The following TMEM127 variants were observed in gnomAD, a reference collection of about 807,000 sequenced individuals.
The protein encoded by TMEM127 is transmembrane protein 127.
Under a neutral mutation model 20.1 loss-of-function variants are expected in TMEM127, and 21 were observed. The observed-to-expected ratio is 1.04, with a 90% CI of 0.74 to 1.50. The LOEUF (loss-of-function observed/expected upper bound fraction) is 1.50. TMEM127 is among the 40% of genes most tolerant of loss of function. TMEM127 has a pLI of 0.00. For synonymous variants in TMEM127, 150 were observed against 144.7 expected, an observed-to-expected ratio of 1.04 and a Z score of -0.26; for missense variants, 303 against 317.4, an observed-to-expected ratio of 0.95 and a Z score of 0.34.
chr2:96,261,383 C>G (rs913803815), intron 2 of TMEM127, among the ~76,000 whole-genome samples: 3 of 152,052 alleles, frequency 2.0e-5, no homozygotes, highest in Admixed American at 1.3e-4. Flanking sequence ...TCAAGTGATC[C>G]TGCTGGCCTC....
rs1437060422 is a variant in TMEM127 at position 96,250,495 on chromosome 2, TCCTG to T, written c.*3309_*3312del. 1.3e-5 allele frequency: 3 copies of T among 232,826 alleles called. No homozygotes were observed. Among genetic ancestry groups the T allele is most frequent in the African/African-American group, 6.6e-5 (3 of 45,322 alleles). 14.4% of individuals were successfully genotyped at this position (232,826 alleles called of 1,614,324 possible). A position where few individuals can be genotyped will look rare whatever the true frequency, so the allele number is the denominator to read the frequency against. ...GGACATAAAATCCTTGCAGACAGGG[TCCTG>T]TCCGTCACTGTATATTTCATGGTGC... On this transcript the variant is annotated 3_prime_UTR_variant, in exon 4 of 4. Transcript: ENST00000258439.
chr2:96,264,998 C>A (rs1382207495), intron 2 of TMEM127, 140 bp downstream of exon 2: 42 of 1,399,538 alleles, frequency 3.0e-5, no homozygotes, highest in Admixed American at 3.9e-5. Context: ...CCAAACAGAG[C>A]CACCTGGTGG....
intron 2 of TMEM127, among the ~76,000 whole-genome samples, chr2:96,261,941 T>C (rs895905059): frequency 6.6e-6 from 1 of 152,206 alleles, no homozygotes; most frequent in Non-Finnish European, 1.5e-5. Context: ...GGCAGAGACC[T>C]GGCAGGGTCT....
chr2:96,256,524 T>C (rs1340862232), intron 2 of TMEM127, among the ~76,000 whole-genome samples: 1 of 149,692 alleles, frequency 6.7e-6, no homozygotes, highest in Non-Finnish European at 1.5e-5. Context: ...TGAGCCGAGA[T>C]TGCGCCTTCA....
chr2:96,253,371 C>A lies in TMEM127; in HGVS notation c.*437G>T. The A allele has an allele frequency of 3.9e-6, 1 of 253,960 alleles. No individual in the cohort carries two copies. Among genetic ancestry groups the A allele is most frequent in the Non-Finnish European group, 7.7e-6 (1 of 129,982 alleles). The allele number at this position is 253,960 out of a possible 1,614,324, so 15.7% of individuals were successfully genotyped here. On this transcript the variant is annotated 3_prime_UTR_variant, in exon 4 of 4. Transcript: ENST00000258439. This position sits in a 1 kb window ranked among gnomAD's most constrained non-coding sequence, Gnocchi z 4.3. ...GGGTCTGGGGGGCGTCAGCCCAGAGCTACAGCTGTGGAGCAAACACTGATC... is the reference window on the plus strand; with the variant it reads ...GGGTCTGGGGGGCGTCAGCCCAGAGATACAGCTGTGGAGCAAACACTGATC...
At chr2:96,256,207 G>A (rs1021370871) in intron 2 of TMEM127, among the ~76,000 whole-genome samples, 1 of 150,914 alleles carries the variant, frequency 6.6e-6, no homozygotes, top group Admixed American at 6.6e-5. Flanking sequence ...GAAGGTGGAG[G>A]TTGCAGTGAG....
chr2:96,264,608 TA>T (rs759533592), intron 2 of TMEM127, among the ~76,000 whole-genome samples: 9 of 152,200 alleles, frequency 5.9e-5, no homozygotes, highest in African/African-American at 1.2e-4. Flanking sequence ...GGCACACCTA[TA>T]ATGGTTCCAA....
chr2:96,250,492 G>A lies in TMEM127; in HGVS notation c.*3316C>T, dbSNP rs1684063991. The A allele has an allele frequency of 8.6e-6, 2 of 232,842 alleles. No homozygotes were observed. Among genetic ancestry groups the A allele is most frequent in the Admixed American group, 5.6e-5 (1 of 17,772 alleles). 14.4% of individuals were successfully genotyped at this position (232,842 alleles called of 1,614,324 possible). On this transcript the variant is annotated 3_prime_UTR_variant, in exon 4 of 4. Transcript: ENST00000258439. ...TAAGGACATAAAATCCTTGCAGACA[G>A]GGTCCTGTCCGTCACTGTATATTTC...
chr2:96,259,296 G>A (rs935562760), intron 2 of TMEM127, among the ~76,000 whole-genome samples: 3 of 152,208 alleles, frequency 2.0e-5, no homozygotes, highest in African/African-American at 7.2e-5. Flanking sequence ...CTTCCTCCAG[G>A]CCACACGCTG....
At chr2:96,256,403 C>A (rs186726337) in intron 2 of TMEM127, among the ~76,000 whole-genome samples, 5 of 151,636 alleles carry the variant, frequency 3.3e-5, no homozygotes, top group African/African-American at 1.2e-4. Context: ...GAAACCCTGT[C>A]TCTACTAAAA....
At position 96,264,551 on chromosome 2, in the gene TMEM127, T is replaced by C. The variant is rs1684374267; in HGVS notation, c.244+587A>G. 2.0e-5 allele frequency among the ~76,000 whole-genome samples: 3 copies of C among 152,306 alleles called. No individual in the cohort carries two copies. In the South Asian group the frequency reaches 6.2e-4, roughly 32 times the overall value. On this transcript the variant is annotated intron_variant, in intron 2 of 3. Coordinates refer to ENST00000258439, the MANE Select transcript of TMEM127 (RefSeq NM_017849.4). ...GGACCCTCCCATCGTCTGCTGTCTA[T>C]CTGGCCGGAAAGCATGATGATGAAC...
chr2:96,254,839 G>A lies in TMEM127; in HGVS notation c.403C>T (p.Leu135=), dbSNP rs751854293. 6.2e-7 allele frequency: 1 copy of A among 1,614,128 alleles called. No individual in the cohort carries two copies. Among genetic ancestry groups the A allele is most frequent in the South Asian group, 1.1e-5 (1 of 91,070 alleles). Residue 135 remains leucine, a synonymous_variant, in exon 3 of 4, where the codon CTA becomes TTA. Coordinates refer to ENST00000258439, the MANE Select transcript of TMEM127 (RefSeq NM_017849.4). ...GAGCAGGCTCACGGCTTACCCGTTA[G>A]GATATGGGCGAAGGCATAGCGACGA... is the stretch of plus-strand genomic sequence containing the variant. The part of the protein sequence containing the change: ...ITRRYAFAHI[L]TVLQCATVIG...
In TMEM127 at chr2:96,253,860, G is replaced by T; in HGVS notation, c.665C>A (p.Ala222Glu). ...GAACTGGTTGATGACCTCATATTCCGCCGGGTAGGGCTCGTTCTCTTCCAT... is the reference window on the plus strand; with the variant it reads ...GAACTGGTTGATGACCTCATATTCCTCCGGGTAGGGCTCGTTCTCTTCCAT... Reference protein sequence around the residue: ...SEMEENEPYPAEYEVINQFQP... With the variant: ...SEMEENEPYPEEYEVINQFQP... The change falls in exon 4 of 4, where the codon GCG becomes GAG. Residue 222 changes from alanine to glutamate, a missense_variant. Coordinates refer to ENST00000258439, the MANE Select transcript of TMEM127 (RefSeq NM_017849.4). The surrounding 1 kb of genome is among the most constrained non-coding windows in gnomAD (Gnocchi z 4.3). 6.2e-7 allele frequency: 1 copy of T among 1,613,986 alleles called. No homozygotes were observed.
chr2:96,257,755 A>T (rs1485279946), intron 2 of TMEM127, among the ~76,000 whole-genome samples: 3 of 151,984 alleles, frequency 2.0e-5, no homozygotes, highest in African/African-American at 7.3e-5. Flanking sequence ...CTCTACTAAA[A>T]ATTTAAAAAA....
At chr2:96,259,550 G>A (rs1044533352) in intron 2 of TMEM127, among the ~76,000 whole-genome samples, 1 of 152,214 alleles carries the variant, frequency 6.6e-6, no homozygotes, top group Non-Finnish European at 1.5e-5. Flanking sequence ...AAAAAGGTTT[G>A]GGTCATTAAG....
chr2:96,250,795 CTA>C lies in TMEM127; in HGVS notation c.*3011_*3012del, dbSNP rs1684071682. Reference sequence around the variant, plus strand: ...ACAGGTCACACTCCCAGAACTGTCTCTATCCCCATGCCTCTCCTAGTAAGATT... The same window carrying C: ...ACAGGTCACACTCCCAGAACTGTCTCTCCCCATGCCTCTCCTAGTAAGATT... On this transcript the variant is annotated 3_prime_UTR_variant, in exon 4 of 4. Transcript: ENST00000258439. 4.3e-6 allele frequency: 1 copy of C among 232,626 alleles called. No homozygotes were observed. Among genetic ancestry groups the C allele is most frequent in the African/African-American group, 2.2e-5 (1 of 45,312 alleles). 14.4% of individuals were successfully genotyped at this position (232,626 alleles called of 1,614,324 possible).
At chr2:96,261,028 G>GTCAATTGTGAT (rs1280438725) in intron 2 of TMEM127, among the ~76,000 whole-genome samples, 1 of 152,220 alleles carries the variant, frequency 6.6e-6, no homozygotes, top group East Asian at 1.9e-4. Flanking sequence ...AGTGGCTGCT[G>GTCAATTGTGAT]TCAATTGTGA....
intron 2 of TMEM127, among the ~76,000 whole-genome samples, chr2:96,257,672 G>A (rs1413507802): frequency 1.3e-5 from 2 of 152,186 alleles, no homozygotes; most frequent in Non-Finnish European, 2.9e-5. Context: ...CCAGCACTTT[G>A]GGAGGCCGAG....
intron 2 of TMEM127, chr2:96,260,646 G>T (rs1573974485): frequency 6.6e-6 from 1 of 152,220 alleles, no homozygotes; most frequent in Admixed American, 6.5e-5. Flanking sequence ...TGTTTTGAAG[G>T]TCCTGCCTCT....
Sources: allele counts gnomAD v4.1 joint callset (sites outside exome capture counted in the v4.1 genomes callset), GRCh38; gene constraint gnomAD v4.1.1; non-coding constraint Gnocchi (gnomAD v3.1); transcripts MANE v1.5; gene names NCBI Gene and HGNC (gene_info 2026-07-23, HGNC 2026-07-21).